Variants in ZNFX1 observed in about 807,000 individuals in gnomAD.
ZNFX1 encodes zinc finger NFX1-type containing 1.
Under a neutral mutation model 179.8 loss-of-function variants are expected in ZNFX1, and 78 were observed. That is an observed-to-expected ratio of 0.43 (90% confidence interval 0.36 to 0.52). ZNFX1 has a LOEUF of 0.52. Among genes scored for constraint, ZNFX1 ranks in the 20% least tolerant of loss-of-function variants. The pLI, the probability that ZNFX1 is intolerant of heterozygous loss-of-function variation, is 0.00. For synonymous variants in ZNFX1, 848 were observed against 868.5 expected, an observed-to-expected ratio of 0.98 and a Z score of 0.42; for missense variants, 1,927 against 2,386.6, an observed-to-expected ratio of 0.81 and a Z score of 4.01.
intron 2 of ZNFX1, among the ~76,000 whole-genome samples, chr20:49,275,256 CCA>C (rs1981528021): frequency 6.6e-6 from 1 of 152,164 alleles, no homozygotes. Context: ...TGAACTGCAC[CCA>C]TTCATCAGCT....
Position 49,251,591 on chromosome 20 carries a change from A to C in ZNFX1, c.3248T>G (p.Leu1083Trp). Residue 1083 changes from leucine to tryptophan, a missense_variant, in exon 13 of 14, where the codon TTG (leucine) becomes TGG (tryptophan). Coordinates refer to ENST00000396105, the MANE Select transcript of ZNFX1 (RefSeq NM_021035.3). ...CAGATCCTGGTAAATGTGGGGGGTC[A>C]AAAGGCGGGCAATTTCAGGGCACAT... ...HRMCPEIARL[L>W]TPHIYQDLEN... 2 of 1,612,358 alleles carry C rather than the reference A, an allele frequency of 1.2e-6. No homozygotes were observed. Among genetic ancestry groups the C allele is most frequent in the Non-Finnish European group, 1.7e-6 (2 of 1,179,032 alleles).
chr20:49,263,216 A>C lies in ZNFX1; in HGVS notation c.2301+118T>G, dbSNP rs145886886. The C allele has an allele frequency of 1.5e-4, 197 of 1,280,188 alleles. No homozygotes were observed. In the African/African-American group the frequency reaches 2.7e-3, roughly 17 times the overall value. 79.3% of individuals were successfully genotyped at this position (1,280,188 alleles called of 1,614,324 possible). A position where few individuals can be genotyped will look rare whatever the true frequency, so the allele number is the denominator to read the frequency against. ...CTCTCATCACAAAAGGGAACTTTAC[A>C]CATTGTGGCAGCATCAGATTATCAA... is the stretch of plus-strand genomic sequence containing the variant. On this transcript the variant is annotated intron_variant, in intron 6 of 13. Transcript: ENST00000396105.
chr20:49,249,500 G>A lies in ZNFX1; in HGVS notation c.3524C>T (p.Thr1175Ile), dbSNP rs1182548455. 1 of 1,614,128 alleles carries A rather than the reference G, an allele frequency of 6.2e-7. No homozygotes were observed. The highest frequency in any genetic ancestry group is 8.5e-7 in the Non-Finnish European group (1 of 1,180,054). The change falls in exon 14 of 14, where the codon ACA (threonine) becomes ATA (isoleucine). Residue 1175 changes from threonine (T) to isoleucine (I), a missense_variant. Thr to Ile is a moderately conservative substitution (Grantham distance 89). Transcript: ENST00000396105. Reference sequence around the variant, plus strand: ...AACATGGACCCTGACGCCAGCAAATGTCTTGGCAGGCATCAGTTTGCGCAG... The same window carrying A: ...AACATGGACCCTGACGCCAGCAAATATCTTGGCAGGCATCAGTTTGCGCAG... Reference protein sequence around the residue: ...FCLRKLMPAKTFAGVRVHVVD... With the variant: ...FCLRKLMPAKIFAGVRVHVVD...
chr20:49,251,563 C>A lies in ZNFX1; in HGVS notation c.3276G>T (p.Glu1092Asp). ...CATACTTAAGAACAGATGGATGATT[C>A]TCCAGATCCTGGTAAATGTGGGGGG... ...LLTPHIYQDL[E>D]NHPSVLKYEK... Residue 1092 changes from glutamate (E) to aspartate (D), a missense_variant, in exon 13 of 14, where the codon GAG becomes GAT. Coordinates refer to ENST00000396105, the MANE Select transcript of ZNFX1 (RefSeq NM_021035.3). 1 of 1,612,732 alleles carries A rather than the reference C, an allele frequency of 6.2e-7. No individual in the cohort carries two copies. Among genetic ancestry groups the A allele is most frequent in the South Asian group, 1.1e-5 (1 of 90,762 alleles).
Position 49,257,724 on chromosome 20 carries a change from T to A in ZNFX1, c.2417-60A>T, listed in dbSNP as rs183166712. 11 of 1,507,446 alleles carry A rather than the reference T, an allele frequency of 7.3e-6. No individual in the cohort carries two copies. In the Admixed American group the frequency reaches 2.5e-4, roughly 34 times the overall value. 93.4% of individuals were successfully genotyped at this position (1,507,446 alleles called of 1,614,324 possible). A position where few individuals can be genotyped will look rare whatever the true frequency, so the allele number is the denominator to read the frequency against. On this transcript the variant is annotated intron_variant, in intron 7 of 13. Transcript: ENST00000396105. Reference sequence around the variant, plus strand: ...ACTCTTTTTTTTTTTTTTTTTGATATGGAATCTCGCTCTTTTGCCCAGGGT... The same window carrying A: ...ACTCTTTTTTTTTTTTTTTTTGATAAGGAATCTCGCTCTTTTGCCCAGGGT...
intron 7 of ZNFX1, among the ~76,000 whole-genome samples, chr20:49,258,797 C>CTGTGAGACTCAG (rs1160308208): frequency 6.7e-6 from 1 of 149,244 alleles, no homozygotes. Context: ...CAGAGTGAGA[C>CTGTGAGACTCAG]TCCATCTCAA....
In ZNFX1 at chr20:49,251,619, G is replaced by A; in HGVS notation, c.3220C>T (p.Arg1074Cys). ...IPFVRLNYQHRMCPEIARLLT... is the reference protein window; with the variant it reads ...IPFVRLNYQHCMCPEIARLLT... ...AGGCGGGCAATTTCAGGGCACATAC[G>A]GTGCTGAAAAAACACATGCATGTCA... The change falls in exon 13 of 14, where the codon CGT (arginine) becomes TGT (cysteine). Residue 1074 changes from arginine (R) to cysteine (C), a missense_variant. Transcript: ENST00000396105. 1.2e-6 allele frequency: 2 copies of A among 1,607,078 alleles called. No individual in the cohort carries two copies. Among genetic ancestry groups the A allele is most frequent in the Non-Finnish European group, 1.7e-6 (2 of 1,177,234 alleles).
chr20:49,254,996 G>A (rs1458498094), intron 9 of ZNFX1, among the ~76,000 whole-genome samples: 1 of 151,026 alleles, frequency 6.6e-6, no homozygotes, highest in Non-Finnish European at 1.5e-5. Context: ...TAGTAAAACT[G>A]ATGATGTCAC....
In ZNFX1 at chr20:49,275,795, G is replaced by C; in HGVS notation, c.45C>G (p.Ser15=). 2.5e-6 allele frequency: 4 copies of C among 1,614,124 alleles called. No individual in the cohort carries two copies. The highest frequency in any genetic ancestry group is 3.4e-6 in the Non-Finnish European group (4 of 1,180,016). ...RPHLDARPRN[S]HTNHRGPVDG... is the part of the protein sequence containing the mutation. ...CTTGCTTACCTCTGTGGTTGGTATG[G>C]GAATTCCTGGGCCTGGCATCCAGAT... Residue 15 remains serine (S), a synonymous_variant, in exon 2 of 14, where the codon TCC becomes TCG. Transcript: ENST00000396105.
rs149767274 is a variant in ZNFX1 at position 49,269,312 on chromosome 20, C to T, written c.1870+630G>A. The stretch of plus-strand genomic sequence containing the variant: ...ATAAGTGGGAGCTAAACATTGAATA[C>T]ACATGGACACAAAGAAGGGAACAGA... On this transcript the variant is annotated intron_variant, in intron 3 of 13. Transcript: ENST00000396105. Among the ~76,000 whole-genome samples, 1,250 of 152,252 alleles carry T rather than the reference C, an allele frequency of 8.2e-3. 17 individuals carry two copies. Among genetic ancestry groups the T allele is most frequent in the African/African-American group, 0.028 (1,172 of 41,552 alleles).
At chr20:49,266,960 G>C (rs1018901958) in intron 3 of ZNFX1, among the ~76,000 whole-genome samples, 1 of 152,132 alleles carries the variant, frequency 6.6e-6, no homozygotes, top group African/African-American at 2.4e-5. Context: ...GCAATGGTGT[G>C]ATCTTGGCTC....
At position 49,249,231 on chromosome 20, in the gene ZNFX1, G is replaced by A; in HGVS notation, c.3793C>T (p.Gln1265Ter). The stretch of plus-strand genomic sequence containing the variant: ...AAGGTGTGGGTTTCAGGGTGGTTCT[G>A]GCAGCAGAGCCGGAGCATGGGGCCT... ...QIGPMLRLCC[Q>*]NHPETHTLVS... The change falls in exon 14 of 14, where the codon CAG becomes TAG. Residue 1265 changes from glutamine to a stop codon, truncating the protein, a stop_gained. Transcript: ENST00000396105. LOFTEE classifies it high-confidence loss of function. The A allele has an allele frequency of 3.1e-6, 5 of 1,614,242 alleles. No individual in the cohort carries two copies. Among genetic ancestry groups the A allele is most frequent in the Non-Finnish European group, 3.4e-6 (4 of 1,180,036 alleles).
At chr20:49,267,582 G>C (rs909947971) in intron 3 of ZNFX1, among the ~76,000 whole-genome samples, 1 of 151,574 alleles carries the variant, frequency 6.6e-6, no homozygotes, top group African/African-American at 2.4e-5. Context: ...CTTCCTTTCG[G>C]AGAGTAATTT....
At position 49,248,429 on chromosome 20, in the gene ZNFX1, T is replaced by C. The variant is rs748423527; in HGVS notation, c.4595A>G (p.Asn1532Ser). ...QCTKLCSEPC[N>S]RPPCYVPCTK... ...ACAAGGCACATAGCATGGGGGTCGG[T>C]TGCAGGGCTCAGAGCAGAGTTTGGT... Residue 1532 changes from asparagine (N) to serine (S), a missense_variant, in exon 14 of 14, where the codon AAC becomes AGC. By Grantham distance (46) the Asn-to-Ser change is conservative. Transcript: ENST00000396105. This position sits in a 1 kb window ranked among gnomAD's most constrained non-coding sequence, Gnocchi z 4.6. 5 of 1,608,466 alleles carry C rather than the reference T, an allele frequency of 3.1e-6. No individual in the cohort carries two copies. Among genetic ancestry groups the C allele is most frequent in the Non-Finnish European group, 3.4e-6 (4 of 1,176,450 alleles).
chr20:49,260,535 T>C lies in ZNFX1; in HGVS notation c.2344A>G (p.Met782Val). The C allele has an allele frequency of 3.7e-6, 6 of 1,613,258 alleles. No individual in the cohort carries two copies. The highest frequency in any genetic ancestry group is 5.1e-6 in the Non-Finnish European group (6 of 1,179,702). Residue 782 changes from methionine to valine, a missense_variant, in exon 7 of 14, where the codon ATG becomes GTG. Transcript: ENST00000396105. ...ACACCAAGACCTAGCCACTCCAGCA[T>C]CATGGAATGCTTCCAGTGCTGGAAG... ...ICFQHWKHSM[M>V]LEWLGLGVGS...
At chr20:49,264,244 C>T (rs1981184837) in intron 5 of ZNFX1, among the ~76,000 whole-genome samples, 1 of 152,132 alleles carries the variant, frequency 6.6e-6, no homozygotes, top group Non-Finnish European at 1.5e-5. Context: ...AATGTTGGCA[C>T]TCAGAAAGTT....
rs534079227 is a variant in ZNFX1 at position 49,251,146 on chromosome 20, T to C, written c.3312+381A>G. On this transcript the variant is annotated intron_variant, in intron 13 of 13. Transcript: ENST00000396105. ...CTCTACTCCCTTCTGAAGGCTTTCTTTTTTTTTTTGACAGGGAGTCTCTCT... is the reference window on the plus strand; with the variant it reads ...CTCTACTCCCTTCTGAAGGCTTTCTCTTTTTTTTTGACAGGGAGTCTCTCT... Among the ~76,000 whole-genome samples the C allele has an allele frequency of 7.9e-4, 119 of 150,010 alleles. 1 individual carries two copies. The highest frequency in any genetic ancestry group is 6.8e-3 in the Middle Eastern group (2 of 294).
At position 49,249,270 on chromosome 20, in the gene ZNFX1, C is replaced by T; in HGVS notation, c.3754G>A (p.Glu1252Lys). 6.2e-7 allele frequency: 1 copy of T among 1,614,218 alleles called. No homozygotes were observed. The highest frequency in any genetic ancestry group is 8.5e-7 in the Non-Finnish European group (1 of 1,180,042). The change falls in exon 14 of 14, where the codon GAG (glutamate) becomes AAG (lysine). Residue 1252 changes from glutamate (E) to lysine (K), a missense_variant. Physicochemically the swap from Glu to Lys is moderately conservative, Grantham distance 56. Transcript: ENST00000396105. Reference sequence around the variant, plus strand: ...AGCATGGGGCCTATTTGATTGTTCTCTCGAAGTGTATGAATGATCTTGCTC... The same window carrying T: ...AGCATGGGGCCTATTTGATTGTTCTTTCGAAGTGTATGAATGATCTTGCTC... Reference protein sequence around the residue: ...LWSKIIHTLRENNQIGPMLRL... With the variant: ...LWSKIIHTLRKNNQIGPMLRL...
Position 49,263,414 on chromosome 20 carries a change from G to A in ZNFX1, c.2221C>T (p.Arg741Cys), listed in dbSNP as rs746768018. Residue 741 changes from arginine to cysteine, a missense_variant, in exon 6 of 14, where the codon CGT becomes TGT. Arg to Cys is a radical substitution (Grantham distance 180). Coordinates refer to ENST00000396105, the MANE Select transcript of ZNFX1 (RefSeq NM_021035.3). ...EGAKTLECTM[R>C]GVLREQYLQK... ...AGGTACTGTTCCCGTAGGACACCAC[G>A]CATGGTGCACTCCAGGGTCTTGGCT... The A allele has an allele frequency of 9.3e-6, 15 of 1,612,952 alleles. No homozygotes were observed. Among genetic ancestry groups the A allele is most frequent in the East Asian group, 2.2e-5 (1 of 44,860 alleles).
Sources: gnomAD v4.1 joint callset for allele counts (sites outside exome capture counted in the v4.1 genomes callset) on GRCh38, gnomAD v4.1.1 for gene constraint, Gnocchi (gnomAD v3.1) non-coding constraint, MANE v1.5 for transcripts, NCBI Gene and HGNC (gene_info 2026-07-23, HGNC 2026-07-21) for gene names.